The following AOX1 variants were observed in gnomAD, a reference collection of about 807,000 sequenced individuals.
AOX1 encodes the protein aldehyde oxidase 1, also known as aldehyde oxidase.
A neutral mutation model predicts 169.5 loss-of-function variants in AOX1; 153 were observed. The ratio of observed to expected loss-of-function variants is 0.90; its 90% CI spans 0.79 to 1.03. The LOEUF (loss-of-function observed/expected upper bound fraction) is 1.03, where lower values mean the gene tolerates loss of function less well. Ranked by LOEUF, AOX1 falls within the 50% of genes least tolerant of loss-of-function variation. The pLI, the probability that AOX1 is intolerant of heterozygous loss-of-function variation, is 0.00. For missense variants in AOX1, 1,656 were observed against 1,663.9 expected (o/e 1.00, Z 0.08); for synonymous variants, 562 against 581.9 (o/e 0.97, Z 0.49).
chr2:200,615,032 G>A (rs1296141498), intron 15 of AOX1, among the ~76,000 whole-genome samples: 3 of 151,590 alleles, frequency 2.0e-5, no homozygotes, highest in Admixed American at 2.0e-4. Context: ...TTTTGAGACA[G>A]GGTCTCTGTC....
At chr2:200,652,752 A>G (rs2035604767) in intron 26 of AOX1, among the ~76,000 whole-genome samples, 1 of 152,136 alleles carries the variant, frequency 6.6e-6, no homozygotes, top group Non-Finnish European at 1.5e-5. Context: ...TCCTCATCAG[A>G]ATTTTCTCAA....
In AOX1 at chr2:200,668,596, T is replaced by A; in HGVS notation, c.3610-19T>A. On this transcript the variant is annotated intron_variant, in intron 32 of 34. Coordinates refer to ENST00000374700, the MANE Select transcript of AOX1 (RefSeq NM_001159.4). Reference sequence around the variant, plus strand: ...GTGTTTTCTCATACGTGGAAATTCTTTTTTTGTTCTTGCCTCAGATTGAAG... The same window carrying A: ...GTGTTTTCTCATACGTGGAAATTCTATTTTTGTTCTTGCCTCAGATTGAAG... 1 of 1,582,882 alleles carries A rather than the reference T, an allele frequency of 6.3e-7. No individual in the cohort carries two copies. Among genetic ancestry groups the A allele is most frequent in the Admixed American group, 1.9e-5 (1 of 53,842 alleles).
downstream of AOX1, among the ~76,000 whole-genome samples, chr2:200,674,144 T>A (rs1559266171): frequency 1.3e-5 from 2 of 152,166 alleles, no homozygotes; most frequent in Admixed American, 6.5e-5. Context: ...CTCCCTCAAC[T>A]CACACCTAGA....
chr2:200,661,744 A>G (rs1427314008), intron 30 of AOX1, 113 bp downstream of exon 30: 2 of 776,350 alleles, frequency 2.6e-6, no homozygotes, highest in South Asian at 1.6e-5. Context: ...CTATTTACCC[A>G]TGGTTATAAA....
chr2:200,668,687 C>A lies in AOX1; in HGVS notation c.3682C>A (p.Leu1228Met). Residue 1228 changes from leucine to methionine, a missense_variant, in exon 33 of 35, where the codon CTG (leucine) becomes ATG (methionine). Coordinates refer to ENST00000374700, the MANE Select transcript of AOX1 (RefSeq NM_001159.4). ...ACTGAATTATTCTCCCCAGGGCATT[C>A]TGCACACTCGTGGTCCAGACCAATA... ...EELNYSPQGI[L>M]HTRGPDQYKI... 6.2e-7 allele frequency: 1 copy of A among 1,614,188 alleles called. No homozygotes were observed. The highest frequency in any genetic ancestry group is 1.7e-5 in the Admixed American group (1 of 60,014).
rs2034304783 is a variant in AOX1 at position 200,597,390 on chromosome 2, T to C, written c.201-7T>C. The C allele has an allele frequency of 1.3e-6, 2 of 1,595,928 alleles. No homozygotes were observed. The highest frequency in any genetic ancestry group is 8.6e-7 in the Non-Finnish European group (1 of 1,169,288). On this transcript the variant is annotated splice_region_variant and splice_polypyrimidine_tract_variant and intron_variant, in intron 3 of 34. Transcript: ENST00000374700. ...TGTAATTTGTGCTTTTCTTTTGCAT[T>C]CTGAAGGCATCACCCAGCCAATGCC...
intron 13 of AOX1, among the ~76,000 whole-genome samples, chr2:200,611,736 G>C (rs12472146): frequency 6.8e-6 from 1 of 148,010 alleles, no homozygotes; most frequent in Admixed American, 6.8e-5. Context: ...ATCGAGTCTC[G>C]CTCTTTTGCC....
intron 16 of AOX1, among the ~76,000 whole-genome samples, chr2:200,617,413 C>T (rs531783096): frequency 2.0e-3 from 271 of 134,120 alleles, no homozygotes; most frequent in Non-Finnish European, 3.5e-3. Context: ...TATCTTTAGC[C>T]AAATACTAAG....
intron 16 of AOX1, among the ~76,000 whole-genome samples, chr2:200,620,330 C>G (rs972394205): frequency 6.6e-6 from 1 of 151,716 alleles, no homozygotes; most frequent in Non-Finnish European, 1.5e-5. Flanking sequence ...TCCCGAGTAG[C>G]TGGGATTACA....
intron 30 of AOX1, 50 bp downstream of exon 30, chr2:200,661,681 G>A (rs2035832161): frequency 6.9e-7 from 1 of 1,450,990 alleles, no homozygotes; most frequent in African/African-American, 1.4e-5. Context: ...GTGGTATCTT[G>A]AGGAAGAGTT....
downstream of AOX1, among the ~76,000 whole-genome samples, chr2:200,679,753 G>C (rs1345308079): frequency 6.6e-6 from 1 of 151,814 alleles, no homozygotes; most frequent in Non-Finnish European, 1.5e-5. Context: ...ACATAAAAAA[G>C]GGATGATTCA....
rs886449164 is a variant in AOX1 at position 200,595,983 on chromosome 2, A to G, written c.200+615A>G. The stretch of plus-strand genomic sequence containing the variant: ...ATGTTTGGTATTTATCCTTCCTCAC[A>G]TTTGCCAAGTTTCTTGGATCTGTGT... On this transcript the variant is annotated intron_variant, in intron 3 of 34. Transcript: ENST00000374700. Among the ~76,000 whole-genome samples the G allele has an allele frequency of 2.2e-4, 34 of 152,210 alleles. 1 individual carries two copies. Among genetic ancestry groups the G allele is most frequent in the African/African-American group, 6.3e-4 (26 of 41,530 alleles).
Position 200,620,706 on chromosome 2 carries a change from G to C in AOX1, c.1761G>C (p.Leu587=), listed in dbSNP as rs1440839069. The change falls in exon 17 of 35, where the codon CTG becomes CTC. Residue 587 remains leucine, a synonymous_variant. Coordinates refer to ENST00000374700, the MANE Select transcript of AOX1 (RefSeq NM_001159.4). The part of the protein sequence containing the change: ...EDPIGHPIMH[L]SGVKHATGEA... ...CAATTGGCCACCCCATCATGCATCT[G>C]TCTGGTGTGAAGCATGCCACGGGGG... 1.9e-6 allele frequency: 3 copies of C among 1,597,306 alleles called. No individual in the cohort carries two copies. Among genetic ancestry groups the C allele is most frequent in the Admixed American group, 1.8e-5 (1 of 56,466 alleles).
At chr2:200,656,584 A>G (rs1181699655) in intron 26 of AOX1, among the ~76,000 whole-genome samples, 1 of 152,036 alleles carries the variant, frequency 6.6e-6, no homozygotes, top group Non-Finnish European at 1.5e-5. Flanking sequence ...TTTTTCTGGG[A>G]CATGCCTACA....
At chr2:200,632,879 C>CT (rs34272316) in intron 20 of AOX1, among the ~76,000 whole-genome samples, 30 of 146,518 alleles carry the variant, frequency 2.0e-4, no homozygotes, top group South Asian at 8.7e-4. Flanking sequence ...TTTAAAAGTG[C>CT]TTTTTTTTTT....
chr2:200,632,653 G>A (rs1009466773), intron 20 of AOX1, among the ~76,000 whole-genome samples: 2 of 150,746 alleles, frequency 1.3e-5, no homozygotes, highest in Non-Finnish European at 3.0e-5. Flanking sequence ...ATCATTTTCT[G>A]TCTGTTTTAA....
chr2:200,657,354 CA>C (rs1341432228), intron 27 of AOX1, among the ~76,000 whole-genome samples: 2 of 150,374 alleles, frequency 1.3e-5, no homozygotes, highest in Non-Finnish European at 3.0e-5. Flanking sequence ...GACCCTGTCT[CA>C]AAAAGTAAAA....
chr2:200,648,202 G>A (rs964149594), intron 25 of AOX1, among the ~76,000 whole-genome samples: 16 of 152,066 alleles, frequency 1.1e-4, no homozygotes, highest in African/African-American at 3.4e-4. Flanking sequence ...TTCTGGTTCC[G>A]TCTCATTTGG....
downstream of AOX1, among the ~76,000 whole-genome samples, chr2:200,672,929 T>C (rs1177318951): frequency 6.6e-6 from 1 of 152,188 alleles, no homozygotes; most frequent in Non-Finnish European, 1.5e-5. Context: ...GTGGGGCCCA[T>C]GTGGCTAGCA....
Sources: allele counts gnomAD v4.1 joint callset (sites outside exome capture counted in the v4.1 genomes callset), GRCh38; gene constraint gnomAD v4.1.1; transcripts MANE v1.5; gene names NCBI Gene and HGNC (gene_info 2026-07-23, HGNC 2026-07-21).